Variants in RPL7A observed in about 807,000 individuals in gnomAD.
The protein encoded by RPL7A is large ribosomal subunit protein eL8.
For missense variants in RPL7A, 291 were observed against 338.2 expected, an observed-to-expected ratio of 0.86 and a Z score of 1.09; for synonymous variants, 158 against 128.2, an observed-to-expected ratio of 1.23 and a Z score of -1.57.
Position 133,351,425 on chromosome 9 carries a change from C to T in RPL7A, c.*59C>T, listed in dbSNP as rs1836398231. On this transcript the variant is annotated 3_prime_UTR_variant, in exon 8 of 8. Transcript: ENST00000323345. ...AATTGAAATAATACAAATTTTCCTT[C>T]AGCCAGTGTCTGTTGAGTATCTCGG... 4 of 1,250,762 alleles carry T rather than the reference C, an allele frequency of 3.2e-6. No homozygotes were observed. Among genetic ancestry groups the T allele is most frequent in the Non-Finnish European group, 2.3e-6 (2 of 879,052 alleles). 77.5% of individuals were successfully genotyped at this position (1,250,762 alleles called of 1,614,324 possible).
Position 133,351,410 on chromosome 9 carries a change from A to C in RPL7A, c.*44A>C. ...TCTGTACATAAAAATAATTGAAATA[A>C]TACAAATTTTCCTTCAGCCAGTGTC... On this transcript the variant is annotated 3_prime_UTR_variant, in exon 8 of 8. Transcript: ENST00000323345. 1 of 1,406,274 alleles carries C rather than the reference A, an allele frequency of 7.1e-7. No homozygotes were observed. The allele number at this position is 1,406,274 out of a possible 1,614,324, so 87.1% of individuals were successfully genotyped here.
intron 1 of RPL7A, 62 bp downstream of exon 1, chr9:133,348,308 C>A: frequency 6.2e-7 from 1 of 1,612,614 alleles, no homozygotes; most frequent in Non-Finnish European, 8.5e-7. Context: ...CTGCCATCCT[C>A]CTCCAGGCGC....
rs2129977263 is a variant in RPL7A, at chr9:133,348,254, A to G, written c.3+8A>G. 7 of 1,613,988 alleles carry G rather than the reference A, an allele frequency of 4.3e-6. No homozygotes were observed. Among genetic ancestry groups the G allele is most frequent in the East Asian group, 4.5e-5 (2 of 44,852 alleles). On this transcript the variant is annotated splice_region_variant and intron_variant, in intron 1 of 7. Transcript: ENST00000323345. ...CTCCCGCCGCCCAAGATGGTGAGTG[A>G]GCTGTAGTTCCGTGGCACTATAGCC...
chr9:133,348,285 C>T (rs2129977743), intron 1 of RPL7A, 39 bp downstream of exon 1: 6 of 1,614,004 alleles, frequency 3.7e-6, no homozygotes, highest in South Asian at 2.2e-5. Context: ...TAGCCAGGTT[C>T]CGGCTGTATC....
chr9:133,349,394 T>C (rs181018784), intron 2 of RPL7A, 157 bp from the exon 3 acceptor site: 78 of 988,352 alleles, frequency 7.9e-5, no homozygotes, highest in Non-Finnish European at 1.1e-4. Context: ...CAGGTGTTTG[T>C]GTGCAGATGA....
In RPL7A at chr9:133,351,374, C is replaced by A. The variant is rs143163645; in HGVS notation, c.*8C>A. ...GCCACTAAACTGGGTTAAATGTACA[C>A]TGTTGAGTTTTCTGTACATAAAAAT... On this transcript the variant is annotated 3_prime_UTR_variant, in exon 8 of 8. Coordinates refer to ENST00000323345, the MANE Select transcript of RPL7A (RefSeq NM_000972.3). 1,556 of 1,561,766 alleles carry A rather than the reference C, an allele frequency of 1.0e-3. 4 individuals carry two copies. In the African/African-American group the frequency reaches 0.012, roughly 12 times the overall value.
chr9:133,350,083 G>A (rs1836347697), intron 4 of RPL7A, 31 bp downstream of exon 4: 1 of 1,613,828 alleles, frequency 6.2e-7, no homozygotes. Flanking sequence ...GGTGAACACT[G>A]GGGGCGGGCT....
intron 1 of RPL7A, chr9:133,348,707 C>T (rs2129980216): frequency 5.2e-6 from 4 of 764,902 alleles, no homozygotes; most frequent in Middle Eastern, 3.5e-4. Context: ...TAGCCTTGCT[C>T]TGGCCACTCG....
intron 4 of RPL7A, 86 bp from the exon 5 acceptor site, chr9:133,350,154 T>A (rs2129991740): frequency 6.2e-7 from 1 of 1,612,532 alleles, no homozygotes; most frequent in Admixed American, 1.7e-5. Flanking sequence ...CCGAGCTTTT[T>A]AACACTGAGT....
rs2129977307 is a variant in RPL7A, at chr9:133,348,256, C to T, written c.3+10C>T. On this transcript the variant is annotated intron_variant, in intron 1 of 7. Transcript: ENST00000323345. ...CCCGCCGCCCAAGATGGTGAGTGAG[C>T]TGTAGTTCCGTGGCACTATAGCCAG... 2.0e-5 allele frequency: 32 copies of T among 1,613,998 alleles called. No homozygotes were observed. The highest frequency in any genetic ancestry group is 4.4e-5 in the South Asian group (4 of 91,094).
chr9:133,348,588 C>G, intron 1 of RPL7A: 3 of 598,622 alleles, frequency 5.0e-6, no homozygotes, highest in South Asian at 3.8e-5. Flanking sequence ...GCGACGAGTT[C>G]TGAGCCCGCC....
rs2129988156 is a variant in RPL7A at position 133,349,718 on chromosome 9, G to T, written c.274+18G>T. ...CCAAACAGGTGAGGTTCTGTGGCGTGGAAAGGAGTTTCTCAGGCAAGGATT... is the reference window on the plus strand; with the variant it reads ...CCAAACAGGTGAGGTTCTGTGGCGTTGAAAGGAGTTTCTCAGGCAAGGATT... On this transcript the variant is annotated intron_variant, in intron 3 of 7. Transcript: ENST00000323345. The T allele has an allele frequency of 1.1e-5, 17 of 1,612,012 alleles. No homozygotes were observed. The Admixed American group carries it at 1.3e-4, about 13-fold the overall frequency.
In RPL7A at chr9:133,348,740, G is replaced by C. The variant is rs1003519686; in HGVS notation, c.4-182G>C. ...TCGGGGTTCCCGGGGCTGCATGCTT[G>C]TGCGGCTGAATGTGAGATGCTCCTG... On this transcript the variant is annotated intron_variant, in intron 1 of 7. Transcript: ENST00000323345. 3.3e-6 allele frequency: 3 copies of C among 912,338 alleles called. No individual in the cohort carries two copies. The African/African-American group carries it at 4.9e-5, about 15-fold the overall frequency. 56.5% of individuals were successfully genotyped at this position (912,338 alleles called of 1,614,324 possible). A position where few individuals can be genotyped will look rare whatever the true frequency, so the allele number is the denominator to read the frequency against.
In RPL7A at chr9:133,351,302, CTG is replaced by C. The variant is rs2129999199; in HGVS notation, c.740_741del (p.Val247GlyfsTer12). 6.2e-7 allele frequency: 1 copy of C among 1,614,060 alleles called. No individual in the cohort carries two copies. Among genetic ancestry groups the C allele is most frequent in the Non-Finnish European group, 8.5e-7 (1 of 1,179,954 alleles). On this transcript the variant is annotated frameshift_variant, in exon 8 of 8. Coordinates refer to ENST00000323345, the MANE Select transcript of RPL7A (RefSeq NM_000972.3). LOFTEE classifies it high-confidence loss of function. ...GGTGGCAATGTCCTGGGTCCTAAGT[CTG>C]TGGCTCGTATCGCCAAGCTCGAAAA...
At chr9:133,348,403 C>T in intron 1 of RPL7A, 157 bp downstream of exon 1, 1 of 1,057,394 alleles carries the variant, frequency 9.5e-7, no homozygotes, top group African/African-American at 1.7e-5. Flanking sequence ...ATTAGAGCCC[C>T]ACTTGGTGTG....
intron 6 of RPL7A, 85 bp from the exon 7 acceptor site, chr9:133,350,917 C>T: frequency 6.6e-7 from 1 of 1,522,202 alleles, no homozygotes. Context: ...AGGCAAAAGA[C>T]TGTCTTGAGC....
At chr9:133,351,190 T>C (rs1836389175) in intron 7 of RPL7A, 72 bp from the exon 8 acceptor site, 1 of 1,548,082 alleles carries the variant, frequency 6.5e-7, no homozygotes, top group African/African-American at 1.4e-5. Context: ...CAAACAGAAT[T>C]AACGCAACTA....
chr9:133,350,068 C>A lies in RPL7A; in HGVS notation c.415+16C>A. On this transcript the variant is annotated intron_variant, in intron 4 of 7. Coordinates refer to ENST00000323345, the MANE Select transcript of RPL7A (RefSeq NM_000972.3). ...CTTCGAGCAGGTGAGTAGGCCCCAC[C>A]TTAGGGTGAACACTGGGGGCGGGCT... The A allele has an allele frequency of 1.2e-6, 2 of 1,613,950 alleles. No homozygotes were observed. Among genetic ancestry groups the A allele is most frequent in the Non-Finnish European group, 1.7e-6 (2 of 1,180,026 alleles).
At chr9:133,348,817 G>A (rs2129981199) in intron 1 of RPL7A, 105 bp from the exon 2 acceptor site, 2 of 1,573,040 alleles carry the variant, frequency 1.3e-6, no homozygotes, top group East Asian at 4.5e-5. Flanking sequence ...GCTTAGTTCA[G>A]GCAGGTGCTG....
Sources: gnomAD v4.1 joint callset for allele counts on GRCh38, gnomAD v4.1.1 for gene constraint, MANE v1.5 for transcripts, NCBI Gene and HGNC (gene_info 2026-07-23, HGNC 2026-07-21) for gene names.